The following KIF26B variants were observed in gnomAD, a reference collection of about 807,000 sequenced individuals.
The protein encoded by KIF26B is kinesin family member 26B.
A neutral mutation model predicts 151.2 loss-of-function variants in KIF26B; 63 were observed. That is an observed-to-expected ratio of 0.42 (90% CI 0.34 to 0.51). The LOEUF is 0.51. Ranked by LOEUF, KIF26B falls within the 20% of genes least tolerant of loss-of-function variation. The pLI, the probability that KIF26B is intolerant of heterozygous loss-of-function variation, is 0.07. For synonymous variants in KIF26B, 1,357 were observed against 1,262.1 expected, an observed-to-expected ratio of 1.08 and a Z score of -1.59; for missense variants, 2,813 against 2,913.6, an observed-to-expected ratio of 0.97 and a Z score of 0.79.
At chr1:245,493,404 C>T (rs1415865423) in intron 4 of KIF26B, among the ~76,000 whole-genome samples, 1 of 152,222 alleles carries the variant, frequency 6.6e-6, no homozygotes. Context: ...CTCAATATTT[C>T]TAGCCAATCA....
chr1:245,455,328 AC>A (rs1394075374), intron 4 of KIF26B, among the ~76,000 whole-genome samples: 3 of 152,112 alleles, frequency 2.0e-5, no homozygotes, highest in Non-Finnish European at 4.4e-5. Flanking sequence ...ACATGGTGAA[AC>A]CCCATCTCTA....
intron 9 of KIF26B, among the ~76,000 whole-genome samples, chr1:245,624,614 A>C (rs1381221178): frequency 6.6e-6 from 1 of 152,228 alleles, no homozygotes; most frequent in African/African-American, 2.4e-5. Flanking sequence ...TTGTTTTGAA[A>C]GTTTTTAATA....
intron 10 of KIF26B, among the ~76,000 whole-genome samples, chr1:245,661,255 T>C (rs1464267916): frequency 6.6e-6 from 1 of 152,108 alleles, no homozygotes; most frequent in Non-Finnish European, 1.5e-5. Flanking sequence ...CCCAAAGTGC[T>C]GGAATTACAG....
intron 9 of KIF26B, among the ~76,000 whole-genome samples, chr1:245,622,407 C>T (rs1253015156): frequency 6.6e-6 from 1 of 152,156 alleles, no homozygotes; most frequent in African/African-American, 2.4e-5. Context: ...GCAGATTAGC[C>T]TTAGGACAGT....
chr1:245,627,089 A>G (rs1023619160), intron 9 of KIF26B, among the ~76,000 whole-genome samples: 1 of 152,078 alleles, frequency 6.6e-6, no homozygotes, highest in Non-Finnish European at 1.5e-5. Context: ...CCATTGGTCT[A>G]TGTGTCTTTT....
Position 245,563,487 on chromosome 1 carries a change from T to C in KIF26B, c.1350+22537T>C, listed in dbSNP as rs1277129927. Among the ~76,000 whole-genome samples, 1 of 152,226 alleles carries C rather than the reference T, an allele frequency of 6.6e-6. No individual in the cohort carries two copies. The highest frequency in any genetic ancestry group is 2.4e-5 in the African/African-American group (1 of 41,464). On this transcript the variant is annotated intron_variant, in intron 5 of 14. Coordinates refer to ENST00000407071, the MANE Select transcript of KIF26B (RefSeq NM_018012.4). The surrounding 1 kb of genome is among the most constrained non-coding windows in gnomAD (Gnocchi z 4.6). ...ATGTTGCTGTATCTCCAATTATATT[T>C]TGAAACTTTCTCCCTCTCACTTACT...
Position 245,324,581 on chromosome 1 carries a change from C to A in KIF26B, c.466-42253C>A, listed in dbSNP as rs375932011. ...GTGGTTGGGATTCCTTCTTTTTCCT[C>A]TTTTATTGTTTCTCCTTAGCTTTGT... On this transcript the variant is annotated intron_variant, in intron 2 of 14. Coordinates refer to ENST00000407071, the MANE Select transcript of KIF26B (RefSeq NM_018012.4). 2.8e-4 allele frequency among the ~76,000 whole-genome samples: 42 copies of A among 152,250 alleles called. No individual in the cohort carries two copies. In the South Asian group the frequency reaches 7.7e-3, roughly 28 times the overall value.
At position 245,374,639 on chromosome 1, in the gene KIF26B, C is replaced by T. The variant is rs527672563; in HGVS notation, c.999+7272C>T. On this transcript the variant is annotated intron_variant, in intron 3 of 14. Transcript: ENST00000407071. ...AGTCAGGCAATAGTGTAAGATGCCA[C>T]GATTAGACCAATTATGACGTGGAAG... is the stretch of plus-strand genomic sequence containing the variant. 3.9e-5 allele frequency among the ~76,000 whole-genome samples: 6 copies of T among 152,148 alleles called. No homozygotes were observed. The East Asian group carries it at 7.7e-4, about 20-fold the overall frequency.
intron 4 of KIF26B, among the ~76,000 whole-genome samples, chr1:245,508,598 C>A (rs567502811): frequency 3.3e-5 from 5 of 152,048 alleles, no homozygotes; most frequent in African/African-American, 1.2e-4. Flanking sequence ...ATTTTGGTAT[C>A]TTTCATTCCA....
At chr1:245,657,791 CCTCCTCCATTTGTGAGATT>C (rs1160339704) in intron 10 of KIF26B, among the ~76,000 whole-genome samples, 3 of 152,158 alleles carry the variant, frequency 2.0e-5, no homozygotes, top group Non-Finnish European at 2.9e-5. Flanking sequence ...TACTGGAGCT[CCTCCTCCATTTGTGAGATT>C]CTTCTTATGT....
At chr1:245,656,048 T>G (rs1169879463) in intron 10 of KIF26B, among the ~76,000 whole-genome samples, 1 of 152,180 alleles carries the variant, frequency 6.6e-6, no homozygotes, top group African/African-American at 2.4e-5. Context: ...ATCTGAGAAA[T>G]GTATAGCAGA....
At chr1:245,577,729 A>G (rs1771537) in intron 5 of KIF26B, among the ~76,000 whole-genome samples, 3,924 of 116,340 alleles carry the variant, frequency 0.034, 102 homozygotes, top group East Asian at 0.06. Context: ...GCTTTGTGGA[A>G]CTCCGGGCGA....
At chr1:245,314,789 C>T (rs1206503174) in intron 2 of KIF26B, among the ~76,000 whole-genome samples, 1 of 152,160 alleles carries the variant, frequency 6.6e-6, no homozygotes, top group East Asian at 1.9e-4. Context: ...GCTGAAGAAA[C>T]GTCTTACATT....
intron 4 of KIF26B, among the ~76,000 whole-genome samples, chr1:245,462,829 C>G (rs1387322506): frequency 6.8e-6 from 1 of 146,698 alleles, no homozygotes; most frequent in Non-Finnish European, 1.5e-5. Context: ...TGAACAACCT[C>G]CTGTGAAGAA....
At chr1:245,435,081 ATCCATCCATCCATCTC>A (rs1658879905) in intron 4 of KIF26B, among the ~76,000 whole-genome samples, 1 of 149,932 alleles carries the variant, frequency 6.7e-6, no homozygotes, top group Admixed American at 6.6e-5. Context: ...CCATCCATCC[ATCCATCCATCCATCTC>A]TCCATCCATC....
intron 4 of KIF26B, among the ~76,000 whole-genome samples, chr1:245,455,133 C>T (rs1558172671): frequency 1.3e-5 from 2 of 152,168 alleles, no homozygotes; most frequent in Admixed American, 6.6e-5. Context: ...GGTATCCGAT[C>T]TCTCCCTGCA....
At chr1:245,511,230 A>C (rs1660830139) in intron 4 of KIF26B, 1 of 681,584 alleles carries the variant, frequency 1.5e-6, no homozygotes, top group Non-Finnish European at 2.7e-6. Context: ...GAAAAGTAAA[A>C]ATAAAATGCA....
intron 4 of KIF26B, among the ~76,000 whole-genome samples, chr1:245,442,258 C>T (rs1439600282): frequency 3.3e-5 from 5 of 152,080 alleles, no homozygotes; most frequent in East Asian, 1.9e-4. Context: ...GAGGAAGAGG[C>T]GAGAGTTGCT....
chr1:245,290,385 AC>A (rs1671236271), intron 2 of KIF26B, among the ~76,000 whole-genome samples: 1 of 152,232 alleles, frequency 6.6e-6, no homozygotes, highest in African/African-American at 2.4e-5. Context: ...AAGTAAAGAA[AC>A]AAAAGTATGG....
Sources: allele counts gnomAD v4.1 joint callset (sites outside exome capture counted in the v4.1 genomes callset), GRCh38; gene constraint gnomAD v4.1.1; non-coding constraint Gnocchi (gnomAD v3.1); transcripts MANE v1.5; gene names NCBI Gene and HGNC (gene_info 2026-07-23, HGNC 2026-07-21).